The following SDHAF3 variants were observed in gnomAD, a reference collection of about 807,000 sequenced individuals.
The protein encoded by SDHAF3 is succinate dehydrogenase complex assembly factor 3, also known as succinate dehydrogenase assembly factor 3, mitochondrial.
Under a neutral mutation model 11.5 loss-of-function variants are expected in SDHAF3, and 18 were observed. That is an observed-to-expected ratio of 1.56 (90% CI 1.08 to 2.32). The LOEUF (loss-of-function observed/expected upper bound fraction) is 2.32. Ranked by LOEUF, SDHAF3 falls within the 30% of genes most tolerant of loss-of-function variation. The pLI, the probability that SDHAF3 is intolerant of heterozygous loss-of-function variation, is 0.00. For synonymous variants in SDHAF3, 72 were observed against 59.3 expected (o/e 1.21, Z -0.99); for missense variants, 200 against 154.4 (o/e 1.30, Z -1.57).
chr7:97,174,949 G>A (rs1789657827), intron 1 of SDHAF3, among the ~76,000 whole-genome samples: 1 of 152,128 alleles, frequency 6.6e-6, no homozygotes, highest in South Asian at 2.1e-4. Context: ...TAACACTTAG[G>A]TCTCTTGTGT....
At chr7:97,179,353 A>AT (rs1274588925) in intron 1 of SDHAF3, among the ~76,000 whole-genome samples, 5 of 151,976 alleles carry the variant, frequency 3.3e-5, no homozygotes, top group African/African-American at 9.7e-5. Flanking sequence ...TTTAGATTTT[A>AT]TTTTTTGGAG....
chr7:97,143,879 G>T (rs2115674474), intron 1 of SDHAF3, among the ~76,000 whole-genome samples: 1 of 152,324 alleles, frequency 6.6e-6, no homozygotes, highest in Admixed American at 6.5e-5. Context: ...TGAAATGGTA[G>T]TTCTACTTTT....
intron 1 of SDHAF3, among the ~76,000 whole-genome samples, chr7:97,156,558 A>C (rs1789303746): frequency 6.6e-6 from 1 of 152,126 alleles, no homozygotes; most frequent in Non-Finnish European, 1.5e-5. Context: ...AGATAATATA[A>C]ATTTAAATCC....
At chr7:97,141,315 T>A (rs555299245) in intron 1 of SDHAF3, among the ~76,000 whole-genome samples, 5 of 152,288 alleles carry the variant, frequency 3.3e-5, no homozygotes, top group African/African-American at 1.2e-4. Context: ...CTTATTACCT[T>A]GTGAAGCATG....
intron 1 of SDHAF3, among the ~76,000 whole-genome samples, chr7:97,127,798 CTCAG>C (rs1310841940): frequency 2.0e-5 from 3 of 151,116 alleles, no homozygotes; most frequent in African/African-American, 7.3e-5. Context: ...TCAGTTGGGT[CTCAG>C]TCAAATTGTT....
intron 1 of SDHAF3, among the ~76,000 whole-genome samples, chr7:97,139,207 G>A (rs540357599): frequency 1.5e-4 from 23 of 152,322 alleles, no homozygotes; most frequent in Non-Finnish European, 5.9e-5. Context: ...ACTGACAACC[G>A]AAGGGTGAGA....
At chr7:97,160,244 G>A (rs1197630624) in intron 1 of SDHAF3, among the ~76,000 whole-genome samples, 2 of 138,444 alleles carry the variant, frequency 1.4e-5, no homozygotes, top group East Asian at 2.3e-4. Flanking sequence ...AGTGAGGAGC[G>A]CCCCTGCCCG....
At chr7:97,169,590 A>G (rs985137902) in intron 1 of SDHAF3, among the ~76,000 whole-genome samples, 1 of 152,122 alleles carries the variant, frequency 6.6e-6, no homozygotes, top group African/African-American at 2.4e-5. Context: ...AGATTACATC[A>G]AAATAGAATT....
At chr7:97,142,131 C>G (rs932757638) in intron 1 of SDHAF3, among the ~76,000 whole-genome samples, 1 of 138,432 alleles carries the variant, frequency 7.2e-6, no homozygotes, top group Admixed American at 8.2e-5. Context: ...GTGGCTCACT[C>G]CAACCTCTGC....
intron 1 of SDHAF3, among the ~76,000 whole-genome samples, chr7:97,148,398 A>G (rs1225622265): frequency 6.6e-6 from 1 of 152,150 alleles, no homozygotes; most frequent in African/African-American, 2.4e-5. Flanking sequence ...TTAGCCAGGC[A>G]TGACAGCTCA....
chr7:97,121,931 T>C (rs1339673673), intron 1 of SDHAF3, among the ~76,000 whole-genome samples: 53 of 151,412 alleles, frequency 3.5e-4, no homozygotes, highest in Admixed American at 2.6e-4. Flanking sequence ...GATCTCAGCT[T>C]ACTGCAAACT....
rs566246654 is a variant in SDHAF3, at chr7:97,178,547, T to C, written c.175-2465T>C. On this transcript the variant is annotated intron_variant, in intron 1 of 1. Transcript: ENST00000432641. ...TATTTTTCTGGGGTTTAAAAAATTA[T>C]TATAGTAGACATCTTAGGGTGAAGT... Among the ~76,000 whole-genome samples the C allele has an allele frequency of 3.9e-5, 6 of 152,290 alleles. No individual in the cohort carries two copies. In the East Asian group the frequency reaches 9.6e-4, roughly 24 times the overall value.
intron 1 of SDHAF3, among the ~76,000 whole-genome samples, chr7:97,143,063 C>T (rs1050303591): frequency 3.3e-5 from 5 of 151,380 alleles, no homozygotes; most frequent in East Asian, 1.9e-4. Context: ...CCACATCTGG[C>T]GAATTTTTGT....
intron 1 of SDHAF3, among the ~76,000 whole-genome samples, chr7:97,128,359 T>C (rs894327053): frequency 1.3e-5 from 2 of 152,208 alleles, no homozygotes; most frequent in Non-Finnish European, 2.9e-5. Flanking sequence ...TTTATTGGTG[T>C]TATAAAATGT....
intron 1 of SDHAF3, among the ~76,000 whole-genome samples, chr7:97,127,932 C>G (rs1257435584): frequency 2.2e-5 from 3 of 139,530 alleles, no homozygotes; most frequent in Non-Finnish European, 4.6e-5. Flanking sequence ...ACTGAGTCTC[C>G]CTCTGTCGCT....
At chr7:97,124,960 T>C (rs1791553594) in intron 1 of SDHAF3, among the ~76,000 whole-genome samples, 3 of 152,198 alleles carry the variant, frequency 2.0e-5, no homozygotes, top group Non-Finnish European at 4.4e-5. Context: ...ACTTCCTCTC[T>C]TCTTATTTGA....
intron 1 of SDHAF3, among the ~76,000 whole-genome samples, chr7:97,164,779 G>C (rs1051415759): frequency 1.3e-5 from 2 of 152,150 alleles, no homozygotes; most frequent in Non-Finnish European, 2.9e-5. Context: ...GAGATTTGAA[G>C]TGAAACTGAT....
chr7:97,132,377 A>G (rs766827779), intron 1 of SDHAF3, among the ~76,000 whole-genome samples: 4 of 151,790 alleles, frequency 2.6e-5, no homozygotes, highest in Non-Finnish European at 5.9e-5. Context: ...GTATCTAAGT[A>G]TTTCTTTTTT....
At chr7:97,162,775 T>G (rs1337815224) in intron 1 of SDHAF3, among the ~76,000 whole-genome samples, 2 of 152,192 alleles carry the variant, frequency 1.3e-5, no homozygotes, top group Non-Finnish European at 2.9e-5. Context: ...TGATTTCCAT[T>G]CTTTTGCATT....
Sources: allele counts gnomAD v4.1 joint callset (sites outside exome capture counted in the v4.1 genomes callset), GRCh38; gene constraint gnomAD v4.1.1; transcripts MANE v1.5; gene names NCBI Gene and HGNC (gene_info 2026-07-23, HGNC 2026-07-21).